CMYA5: variants seen among roughly 807,000 people sequenced by gnomAD.
CMYA5 encodes cardiomyopathy-associated protein 5.
CMYA5 carries 246 observed loss-of-function variants against 318.9 expected under a neutral mutation model. That is an observed-to-expected ratio of 0.77 (90% CI 0.70 to 0.86). The LOEUF is 0.86. CMYA5 is among the 40% of genes least tolerant of loss of function. The probability of loss-of-function intolerance (pLI) is 0.00; values close to 1 mark genes in which losing one functional copy is unlikely to be tolerated. For missense variants in CMYA5, 4,589 were observed against 4,678.2 expected, an observed-to-expected ratio of 0.98 and a Z score of 0.56; for synonymous variants, 1,641 against 1,729.5, an observed-to-expected ratio of 0.95 and a Z score of 1.27.
Position 79,731,866 on chromosome 5 carries a change from G to A in CMYA5, c.3101G>A (p.Gly1034Asp), listed in dbSNP as rs1220597115. ...CTATTAACTGCAGTGTCTGCTTCAG[G>A]TTATTCCTGCTTTTCAGAAGCAGAT... is the stretch of plus-strand genomic sequence containing the variant. The part of the protein sequence containing the change: ...DSLLTAVSAS[G>D]YSCFSEADEE... The change falls in exon 2 of 13, where the codon GGT becomes GAT. Residue 1034 changes from glycine to aspartate, a missense_variant. Physicochemically the swap from Gly to Asp is moderately conservative, Grantham distance 94 (BLOSUM62 -1). Coordinates refer to ENST00000446378, the MANE Select transcript of CMYA5 (RefSeq NM_153610.5). The A allele has an allele frequency of 2.5e-6, 4 of 1,613,506 alleles. No individual in the cohort carries two copies. Among genetic ancestry groups the A allele is most frequent in the South Asian group, 1.1e-5 (1 of 90,952 alleles).
chr5:79,729,039 T>C lies in CMYA5; in HGVS notation c.274T>C (p.Ser92Pro), dbSNP rs760545854. 1 of 1,613,928 alleles carries C rather than the reference T, an allele frequency of 6.2e-7. No homozygotes were observed. Among genetic ancestry groups the C allele is most frequent in the Non-Finnish European group, 8.5e-7 (1 of 1,179,842 alleles). Residue 92 changes from serine to proline, a missense_variant, in exon 2 of 13, where the codon TCT (serine) becomes CCT (proline). Physicochemically the swap from Ser to Pro is moderately conservative, Grantham distance 74 (BLOSUM62 -1). This residue lies in a region of CMYA5 where 2,132 missense variants were observed against 2,131.3 expected (regional missense o/e 1.00). Coordinates refer to ENST00000446378, the MANE Select transcript of CMYA5 (RefSeq NM_153610.5). ...GITWETNSSRSSTPWASEESQ... is the reference protein window; with the variant it reads ...GITWETNSSRPSTPWASEESQ... ...AACCTGGGAAACCAATTCAAGTAGATCTTCTACTCCTTGGGCTTCAGAAGA... is the reference window on the plus strand; with the variant it reads ...AACCTGGGAAACCAATTCAAGTAGACCTTCTACTCCTTGGGCTTCAGAAGA...
At chr5:79,742,113 C>T (rs187615578) in intron 2 of CMYA5, among the ~76,000 whole-genome samples, 7,526 of 147,428 alleles carry the variant, frequency 0.051, 388 homozygotes, top group East Asian at 0.24. Flanking sequence ...TTCTTCTCTT[C>T]TTCTTCTTCT....
At position 79,733,896 on chromosome 5, in the gene CMYA5, G is replaced by A; in HGVS notation, c.5131G>A (p.Glu1711Lys). ...SSLLREESQN[E>K]EIKPFSPKII... ...ATTGCTTAGGGAGGAATCTCAGAAT[G>A]AAGAAATTAAACCTTTCTCTCCCAA... Residue 1711 changes from glutamate to lysine, a missense_variant, in exon 2 of 13, where the codon GAA becomes AAA. Around this residue, in one of 3 missense-constraint regions of CMYA5, gnomAD observed 2,132 missense variants for 2,131.3 expected, o/e 1.00. Transcript: ENST00000446378. 1 of 1,613,254 alleles carries A rather than the reference G, an allele frequency of 6.2e-7. No individual in the cohort carries two copies. Among genetic ancestry groups the A allele is most frequent in the Non-Finnish European group, 8.5e-7 (1 of 1,179,764 alleles).
Position 79,733,946 on chromosome 5 carries a change from A to G in CMYA5, c.5181A>G (p.Glu1727=). ...AGATCATCAGCCTAGAGTCGAAAGA[A>G]CCACCTGCCTCTGTAGCTGAAGGAG... is the stretch of plus-strand genomic sequence containing the variant. ...SPKIISLESK[E]PPASVAEGGN... The change falls in exon 2 of 13, where the codon GAA becomes GAG. Residue 1727 remains glutamate, a synonymous_variant. Coordinates refer to ENST00000446378, the MANE Select transcript of CMYA5 (RefSeq NM_153610.5). 1 of 1,613,438 alleles carries G rather than the reference A, an allele frequency of 6.2e-7. No homozygotes were observed. Among genetic ancestry groups the G allele is most frequent in the East Asian group, 2.2e-5 (1 of 44,878 alleles).
rs767862641 is a variant in CMYA5, at chr5:79,735,273, A to G, written c.6508A>G (p.Lys2170Glu). 8.7e-6 allele frequency: 14 copies of G among 1,613,750 alleles called. No individual in the cohort carries two copies. Among genetic ancestry groups the G allele is most frequent in the Non-Finnish European group, 1.1e-5 (13 of 1,179,828 alleles). Reference protein sequence around the residue: ...KVAKPDLPEEKGKKGISSFKS... With the variant: ...KVAKPDLPEEEGKKGISSFKS... ...GGCTAAGCCGGACCTTCCTGAGGAA[A>G]AGGGAAAGAAAGGAATTTCATCTTT... is the stretch of plus-strand genomic sequence containing the variant. Residue 2170 changes from lysine (K) to glutamate (E), a missense_variant, in exon 2 of 13, where the codon AAG becomes GAG. This residue lies in a region of CMYA5 where 2,431 missense variants were observed against 2,495.1 expected (regional missense o/e 0.97). Coordinates refer to ENST00000446378, the MANE Select transcript of CMYA5 (RefSeq NM_153610.5).
At chr5:79,691,307 C>G (rs1826966712) in intron 1 of CMYA5, among the ~76,000 whole-genome samples, 1 of 152,214 alleles carries the variant, frequency 6.6e-6, no homozygotes, top group South Asian at 2.1e-4. Flanking sequence ...GGAAGTCTGT[C>G]AACTCAGCTT....
rs1399147590 is a variant in CMYA5, at chr5:79,738,296, C to A, written c.9531C>A (p.Val3177=). The A allele has an allele frequency of 6.2e-7, 1 of 1,613,312 alleles. No homozygotes were observed. Among genetic ancestry groups the A allele is most frequent in the Non-Finnish European group, 8.5e-7 (1 of 1,179,746 alleles). Residue 3177 remains valine (V), a synonymous_variant, in exon 2 of 13, where the codon GTC becomes GTA. Transcript: ENST00000446378. Reference sequence around the variant, plus strand: ...AGATATTTCCTACCACTATTAAAGTCATTGATCCAGAATTTCTGGAGGAGC... The same window carrying A: ...AGATATTTCCTACCACTATTAAAGTAATTGATCCAGAATTTCTGGAGGAGC... ...RTQIFPTTIK[V]IDPEFLEEPP...
intron 1 of CMYA5, among the ~76,000 whole-genome samples, chr5:79,722,895 ATAAAAAC>A (rs1397463909): frequency 6.7e-6 from 1 of 149,824 alleles, no homozygotes; most frequent in Non-Finnish European, 1.5e-5. Context: ...AAAGTACAAA[ATAAAAAC>A]TAAAAACAAA....
intron 9 of CMYA5, among the ~76,000 whole-genome samples, chr5:79,775,193 T>A (rs892515372): frequency 2.0e-5 from 3 of 152,200 alleles, no homozygotes; most frequent in Non-Finnish European, 4.4e-5. Flanking sequence ...CCCCATCGCA[T>A]CCCCCAGTGT....
chr5:79,717,857 G>T (rs1743719481), intron 1 of CMYA5, among the ~76,000 whole-genome samples: 1 of 151,282 alleles, frequency 6.6e-6, no homozygotes, highest in African/African-American at 2.4e-5. Flanking sequence ...CTCCCTAATG[G>T]CATAAAAGTT....
At chr5:79,746,795 C>T (rs749169667) in intron 4 of CMYA5, among the ~76,000 whole-genome samples, 4 of 152,180 alleles carry the variant, frequency 2.6e-5, no homozygotes, top group South Asian at 2.1e-4. Flanking sequence ...TTGCCAGTCC[C>T]GCTGATCACA....
At chr5:79,706,723 G>A (rs2151077119) in intron 1 of CMYA5, among the ~76,000 whole-genome samples, 1 of 151,670 alleles carries the variant, frequency 6.6e-6, no homozygotes, top group South Asian at 2.1e-4. Context: ...TAGGCTCTCT[G>A]TGGGGGGAAG....
At chr5:79,694,452 C>T (rs1029899137) in intron 1 of CMYA5, among the ~76,000 whole-genome samples, 1 of 152,146 alleles carries the variant, frequency 6.6e-6, no homozygotes, top group Non-Finnish European at 1.5e-5. Context: ...CAGCCTTTCC[C>T]ACAGATCACT....
At position 79,743,910 on chromosome 5, in the gene CMYA5, T is replaced by A. The variant is rs1433370882; in HGVS notation, c.10722T>A (p.Phe3574Leu). Residue 3574 changes from phenylalanine (F) to leucine (L), a missense_variant, in exon 3 of 13, where the codon TTT becomes TTA. Phe to Leu is a conservative substitution (Grantham distance 22). Around this residue, in one of 3 missense-constraint regions of CMYA5, gnomAD observed 2,431 missense variants for 2,495.1 expected, o/e 0.97. Transcript: ENST00000446378. ...EAFVSEIESF[F>L]NTIEENCSKN... is the part of the protein sequence containing the mutation. Reference sequence around the variant, plus strand: ...TTGTTAGTGAGATAGAATCCTTTTTTAATACCATTGAGGTAAGTTAACACA... The same window carrying A: ...TTGTTAGTGAGATAGAATCCTTTTTAAATACCATTGAGGTAAGTTAACACA... 1 of 1,527,880 alleles carries A rather than the reference T, an allele frequency of 6.5e-7. No individual in the cohort carries two copies. The highest frequency in any genetic ancestry group is 2.4e-5 in the East Asian group (1 of 41,110). 94.6% of individuals were successfully genotyped at this position (1,527,880 alleles called of 1,614,324 possible).
At position 79,793,425 on chromosome 5, in the gene CMYA5, C is replaced by T. The variant is rs1230325871; in HGVS notation, c.11790-12C>T. Reference sequence around the variant, plus strand: ...CCTGCACTGAGCATACTCTGATTGACTTCACCCACAGAATCCCGTCAGTGC... The same window carrying T: ...CCTGCACTGAGCATACTCTGATTGATTTCACCCACAGAATCCCGTCAGTGC... On this transcript the variant is annotated splice_polypyrimidine_tract_variant and intron_variant, in intron 11 of 12. Transcript: ENST00000446378. 1.2e-6 allele frequency: 2 copies of T among 1,606,638 alleles called. No individual in the cohort carries two copies. Among genetic ancestry groups the T allele is most frequent in the South Asian group, 1.1e-5 (1 of 90,600 alleles).
intron 1 of CMYA5, among the ~76,000 whole-genome samples, chr5:79,696,863 C>T (rs147071025): frequency 0.094 from 14,329 of 152,030 alleles, 1,036 homozygotes; most frequent in Admixed American, 0.25. Context: ...AAAAATTAGC[C>T]GGGCATGGTG....
intron 1 of CMYA5, among the ~76,000 whole-genome samples, chr5:79,724,137 G>C (rs1256227403): frequency 2.0e-5 from 3 of 151,498 alleles, no homozygotes; most frequent in African/African-American, 7.3e-5. Context: ...GACCAACATG[G>C]TGATACCCCA....
intron 1 of CMYA5, among the ~76,000 whole-genome samples, chr5:79,717,989 C>T (rs1298951513): frequency 1.8e-5 from 1 of 55,670 alleles, no homozygotes; most frequent in African/African-American, 1.3e-4. Flanking sequence ...CCCGGGTTCA[C>T]GCCATTCTCC....
At chr5:79,791,189 G>A (rs561303965) in intron 11 of CMYA5, 120 bp downstream of exon 11, 1 of 661,880 alleles carries the variant, frequency 1.5e-6, no homozygotes, top group East Asian at 2.7e-5. Flanking sequence ...TCGGGATGTG[G>A]TCTCAAATAT....
Sources: allele counts gnomAD v4.1 joint callset (sites outside exome capture counted in the v4.1 genomes callset), GRCh38; gene constraint gnomAD v4.1.1; regional missense constraint gnomAD v4.1.1; transcripts MANE v1.5; gene names NCBI Gene and HGNC (gene_info 2026-07-23, HGNC 2026-07-21).